RNF145: variants seen among roughly 807,000 people sequenced by gnomAD.
The protein encoded by RNF145 is ring finger protein 145.
A neutral mutation model predicts 57.3 loss-of-function variants in RNF145; 12 were observed. That is an observed-to-expected ratio of 0.21 (90% CI 0.13 to 0.34). RNF145 has a LOEUF of 0.34. Among genes scored for constraint, RNF145 ranks in the 10% least tolerant of loss-of-function variants. RNF145 has a pLI of 1.00. For synonymous variants in RNF145, 262 were observed against 288.3 expected (o/e 0.91, Z 0.92); for missense variants, 429 against 799.0 (o/e 0.54, Z 5.58).
chr5:159,195,661 G>A (rs904344471), intron 2 of RNF145, among the ~76,000 whole-genome samples: 9 of 152,088 alleles, frequency 5.9e-5, no homozygotes, highest in Admixed American at 2.6e-4. Context: ...TTCTTTTCAC[G>A]CTTTCCAATA....
intron 2 of RNF145, among the ~76,000 whole-genome samples, chr5:159,198,276 T>A (rs1240589669): frequency 7.8e-6 from 1 of 128,076 alleles, no homozygotes; most frequent in Non-Finnish European, 1.7e-5. Flanking sequence ...AATAAATAAA[T>A]AAAAGAAATA....
intron 8 of RNF145, among the ~76,000 whole-genome samples, chr5:159,168,041 AC>A (rs1036651683): frequency 6.6e-6 from 1 of 152,200 alleles, no homozygotes; most frequent in African/African-American, 2.4e-5. Context: ...TAGAAAAAAA[AC>A]AGTGACATCG....
intron 1 of RNF145, among the ~76,000 whole-genome samples, chr5:159,208,936 CG>C (rs1353849639): frequency 6.6e-6 from 1 of 150,398 alleles, no homozygotes; most frequent in African/African-American, 2.5e-5. Context: ...AGCCGAGGCC[CG>C]GGAGCTGGAA....
At position 159,157,821 on chromosome 5, in the gene RNF145, TGAAAAG is replaced by T. The variant is rs1442367608; in HGVS notation, c.*843_*848del. ...GCAAGAATTAAACATTACACAGGATTGAAAAGTACACCCAGGGCCTCTATCAGTGCC... is the reference window on the plus strand; with the variant it reads ...GCAAGAATTAAACATTACACAGGATTTACACCCAGGGCCTCTATCAGTGCC... On this transcript the variant is annotated 3_prime_UTR_variant, in exon 11 of 11. Coordinates refer to ENST00000424310, the MANE Select transcript of RNF145 (RefSeq NM_001199383.2). 1.2e-4 allele frequency: 18 copies of T among 152,868 alleles called. No homozygotes were observed. Among genetic ancestry groups the T allele is most frequent in the African/African-American group, 4.3e-4 (18 of 41,548 alleles). 9.5% of individuals were successfully genotyped at this position (152,868 alleles called of 1,614,324 possible). A position where few individuals can be genotyped will look rare whatever the true frequency, so the allele number is the denominator to read the frequency against.
rs74770414 is a variant in RNF145 at position 159,203,633 on chromosome 5, C to CTT, written c.-18_-17dup. On this transcript the variant is annotated 5_prime_UTR_variant, in exon 2 of 11. Transcript: ENST00000424310. The stretch of plus-strand genomic sequence containing the variant: ...TTGCAGCCATGTTGTTTTTTTTTTT[C>CTT]TTTTTTTTTTTCTTGGAGAAGACCT... 52 of 1,159,592 alleles carry CTT rather than the reference C, an allele frequency of 4.5e-5. No homozygotes were observed. Among genetic ancestry groups the CTT allele is most frequent in the South Asian group, 6.3e-5 (4 of 62,998 alleles). 71.8% of individuals were successfully genotyped at this position (1,159,592 alleles called of 1,614,324 possible).
At chr5:159,182,076 G>A (rs1377377737) in intron 3 of RNF145, 25 bp from the exon 4 acceptor site, 6 of 1,331,804 alleles carry the variant, frequency 4.5e-6, no homozygotes, top group Admixed American at 3.4e-5. Flanking sequence ...TGATTAGAAT[G>A]TATATATTAG....
chr5:159,173,651 T>C (rs1784624297), intron 6 of RNF145, among the ~76,000 whole-genome samples: 1 of 152,218 alleles, frequency 6.6e-6, no homozygotes, highest in Non-Finnish European at 1.5e-5. Flanking sequence ...TTTTAAATAC[T>C]CAATAAATGT....
At chr5:159,194,216 A>G (rs574748690) in intron 3 of RNF145, among the ~76,000 whole-genome samples, 8 of 152,372 alleles carry the variant, frequency 5.3e-5, no homozygotes, top group African/African-American at 1.7e-4. Context: ...AATGAAGTCT[A>G]TAATTGTTAA....
At chr5:159,176,992 A>G in intron 4 of RNF145, 125 bp from the exon 5 acceptor site, 1 of 595,372 alleles carries the variant, frequency 1.7e-6, no homozygotes, top group Non-Finnish European at 3.0e-6. Flanking sequence ...AAAATCTCGT[A>G]GATAATATTT....
intron 1 of RNF145, among the ~76,000 whole-genome samples, chr5:159,205,499 A>G (rs1301991366): frequency 1.3e-5 from 2 of 152,224 alleles, no homozygotes; most frequent in East Asian, 3.8e-4. Context: ...AATGCATTTT[A>G]ATGTGTATAA....
chr5:159,203,540 C>T lies in RNF145; in HGVS notation c.78G>A (p.Leu26=), dbSNP rs780401449. The part of the protein sequence containing the change: ...RVPSIMLLDV[L]YRWDVSSFFQ... ...AAAAGGAGCTGACATCCCATCTGTA[C>T]AGGACATCCAACAGCATGATGCTTG... The change falls in exon 2 of 11, where the codon CTG becomes CTA. Residue 26 remains leucine, a synonymous_variant. Coordinates refer to ENST00000424310, the MANE Select transcript of RNF145 (RefSeq NM_001199383.2). 21 of 1,613,664 alleles carry T rather than the reference C, an allele frequency of 1.3e-5. No individual in the cohort carries two copies. The highest frequency in any genetic ancestry group is 1.8e-5 in the Non-Finnish European group (21 of 1,179,860).
In RNF145 at chr5:159,157,667, T is replaced by A. The variant is rs923760207; in HGVS notation, c.*1003A>T. ...GTAAAAATTTAAATATGACACATCCTTGTCAAAGAAAAGGTGCAAAGTCTA... is the reference window on the plus strand; with the variant it reads ...GTAAAAATTTAAATATGACACATCCATGTCAAAGAAAAGGTGCAAAGTCTA... On this transcript the variant is annotated 3_prime_UTR_variant, in exon 11 of 11. Transcript: ENST00000424310. 1.3e-5 allele frequency: 2 copies of A among 152,760 alleles called. No homozygotes were observed. Among genetic ancestry groups the A allele is most frequent in the Non-Finnish European group, 2.9e-5 (2 of 68,040 alleles). The allele number at this position is 152,760 out of a possible 1,614,324, so 9.5% of individuals were successfully genotyped here.
intron 3 of RNF145, among the ~76,000 whole-genome samples, chr5:159,186,734 C>A (rs751302948): frequency 6.6e-6 from 1 of 152,080 alleles, no homozygotes; most frequent in Non-Finnish European, 1.5e-5. Context: ...TTCTTTCTGG[C>A]CTCCTAGATA....
At chr5:159,190,859 G>C (rs889746809) in intron 3 of RNF145, among the ~76,000 whole-genome samples, 2 of 151,696 alleles carry the variant, frequency 1.3e-5, no homozygotes, top group Non-Finnish European at 2.9e-5. Context: ...ATCTTTACTA[G>C]CCTTTTGTGA....
At chr5:159,207,955 T>A in intron 1 of RNF145, 1 of 1,600,636 alleles carries the variant, frequency 6.2e-7, no homozygotes, top group South Asian at 1.1e-5. Context: ...TGGGCATGAT[T>A]CAAGATTCAG....
At chr5:159,181,844 C>A in intron 4 of RNF145, 116 bp downstream of exon 4, 5 of 623,086 alleles carry the variant, frequency 8.0e-6, no homozygotes, top group Admixed American at 2.6e-5. Flanking sequence ...TGGGAAAAGT[C>A]CCCATGAATC....
rs756305025 is a variant in RNF145 at position 159,174,171 on chromosome 5, G to GT, written c.622-14dup. On this transcript the variant is annotated splice_polypyrimidine_tract_variant and intron_variant, in intron 5 of 10. Coordinates refer to ENST00000424310, the MANE Select transcript of RNF145 (RefSeq NM_001199383.2). ...ATACCTCCACTACCTAAATAAAAAC[G>GT]TAAGATAGGAAAACTTCTTGCATCA... is the stretch of plus-strand genomic sequence containing the variant. 110 of 1,573,802 alleles carry GT rather than the reference G, an allele frequency of 7.0e-5. No homozygotes were observed. The highest frequency in any genetic ancestry group is 1.1e-4 in the South Asian group (9 of 84,088).
chr5:159,183,684 A>C (rs1784968682), intron 3 of RNF145, among the ~76,000 whole-genome samples: 1 of 152,210 alleles, frequency 6.6e-6, no homozygotes, highest in South Asian at 2.1e-4. Flanking sequence ...TACAACTCTG[A>C]GTGTCAGTAC....
At chr5:159,161,185 G>T in intron 10 of RNF145, 81 bp downstream of exon 10, 3 of 814,762 alleles carry the variant, frequency 3.7e-6, no homozygotes, top group East Asian at 2.8e-5. Context: ...AGAAATTTAA[G>T]TTGAATTTGG....
Sources: gnomAD v4.1 joint callset for allele counts (sites outside exome capture counted in the v4.1 genomes callset) on GRCh38, gnomAD v4.1.1 for gene constraint, MANE v1.5 for transcripts, NCBI Gene and HGNC (gene_info 2026-07-23, HGNC 2026-07-21) for gene names.